STARD9: variants seen among roughly 807,000 people sequenced by gnomAD.
STARD9 encodes the protein stAR-related lipid transfer protein 9.
Under a neutral mutation model 399.8 loss-of-function variants are expected in STARD9, and 346 were observed. The observed-to-expected ratio is 0.87, with a 90% CI of 0.79 to 0.95. The LOEUF (loss-of-function observed/expected upper bound fraction) is 0.95, where lower values mean the gene tolerates loss of function less well. Among genes scored for constraint, STARD9 ranks in the 40% least tolerant of loss-of-function variants. STARD9 has a pLI of 0.00. For synonymous variants in STARD9, 2,203 were observed against 2,143.5 expected, an observed-to-expected ratio of 1.03 and a Z score of -0.77; for missense variants, 5,832 against 5,667.5, an observed-to-expected ratio of 1.03 and a Z score of -0.93.
intron 3 of STARD9, among the ~76,000 whole-genome samples, chr15:42,603,624 A>G (rs543746078): frequency 2.6e-5 from 4 of 152,202 alleles, no homozygotes; most frequent in South Asian, 2.1e-4. Context: ...AGTCTCCCCA[A>G]ATATGTGGAG....
intron 26 of STARD9, 57 bp downstream of exon 26, chr15:42,695,937 T>C: frequency 6.7e-7 from 1 of 1,500,114 alleles, no homozygotes; most frequent in Non-Finnish European, 8.9e-7. Context: ...GGCAAGAGTT[T>C]GAGCAGGACG....
chr15:42,694,193 CCT>C lies in STARD9; in HGVS notation c.12619_12620del (p.Ser4207ThrfsTer35), dbSNP rs1300706172. ...TCCCCCTGCAAGTTGGGGCCCAGAA[CCT>C]CTCACTCAGCGTGGAACTCACAGAA... ...QIPLQVGAQN[L>X]SLSVELTEAK... On this transcript the variant is annotated frameshift_variant, in exon 23 of 33. Coordinates refer to ENST00000290607, the MANE Select transcript of STARD9 (RefSeq NM_020759.3). LOFTEE classifies it high-confidence loss of function. 1 of 1,535,874 alleles carries C rather than the reference CCT, an allele frequency of 6.5e-7. No homozygotes were observed.
Position 42,691,593 on chromosome 15 carries a change from A to T in STARD9, c.10015A>T (p.Asn3339Tyr). 1 of 1,537,198 alleles carries T rather than the reference A, an allele frequency of 6.5e-7. No homozygotes were observed. Among genetic ancestry groups the T allele is most frequent in the Non-Finnish European group, 8.7e-7 (1 of 1,146,898 alleles). The change falls in exon 23 of 33, where the codon AAC (asparagine) becomes TAC (tyrosine). Residue 3339 changes from asparagine to tyrosine, a missense_variant. By Grantham distance (143) the Asn-to-Tyr change is moderately radical (BLOSUM62 -2). This residue lies in a region of STARD9 where 5,828 missense variants were observed against 5,651.1 expected (regional missense o/e 1.03). Coordinates refer to ENST00000290607, the MANE Select transcript of STARD9 (RefSeq NM_020759.3). Reference protein sequence around the residue: ...VGSSRSLQELNLSVEPPSPTD... With the variant: ...VGSSRSLQELYLSVEPPSPTD... ...CTCTTCTCGTTCTCTTCAGGAGCTGAACTTGAGTGTGGAGCCTCCTTCCCC... is the reference window on the plus strand; with the variant it reads ...CTCTTCTCGTTCTCTTCAGGAGCTGTACTTGAGTGTGGAGCCTCCTTCCCC...
In STARD9 at chr15:42,644,362, G is replaced by A. The variant is rs182258163; in HGVS notation, c.559+5550G>A. On this transcript the variant is annotated intron_variant, in intron 7 of 32. Coordinates refer to ENST00000290607, the MANE Select transcript of STARD9 (RefSeq NM_020759.3). The stretch of plus-strand genomic sequence containing the variant: ...CAAAAAATTAGCCGGGTGTGGTGGC[G>A]GGCACCTGTAGTCCCAGCTATTCGG... Among the ~76,000 whole-genome samples the A allele has an allele frequency of 6.9e-3, 1,047 of 152,018 alleles. 15 individuals are homozygous for A. Among genetic ancestry groups the A allele is most frequent in the East Asian group, 0.058 (299 of 5,170 alleles).
Position 42,698,174 on chromosome 15 carries a change from T to C in STARD9, c.13284+2294T>C, listed in dbSNP as rs560794370. Among the ~76,000 whole-genome samples the C allele has an allele frequency of 4.6e-5, 7 of 152,368 alleles. 1 individual carries two copies. In the South Asian group the frequency reaches 1.4e-3, roughly 32 times the overall value. On this transcript the variant is annotated intron_variant, in intron 26 of 32. Coordinates refer to ENST00000290607, the MANE Select transcript of STARD9 (RefSeq NM_020759.3). ...CTAACTTGGGTTGCTTTCAGACTTT[T>C]GCTGTTATCAGCAATACTACAGTGA...
intron 3 of STARD9, among the ~76,000 whole-genome samples, chr15:42,618,585 CTTTT>C (rs1304889832): frequency 1.3e-5 from 2 of 151,832 alleles, no homozygotes; most frequent in Non-Finnish European, 1.5e-5. Flanking sequence ...AAAAAGTTGT[CTTTT>C]TTTATTTTTA....
In STARD9 at chr15:42,638,786, A is replaced by G. The variant is rs1458991974; in HGVS notation, c.533A>G (p.His178Arg). The G allele has an allele frequency of 1.2e-5, 18 of 1,535,864 alleles. No homozygotes were observed. Among genetic ancestry groups the G allele is most frequent in the Non-Finnish European group, 1.5e-5 (17 of 1,146,048 alleles). Residue 178 changes from histidine (H) to arginine (R), a missense_variant, in exon 7 of 33, where the codon CAT becomes CGT. By Grantham distance (29) the His-to-Arg change is conservative. This residue lies in a region of STARD9 where 5,828 missense variants were observed against 5,651.1 expected (regional missense o/e 1.03). Transcript: ENST00000290607. ...TCCTATACCCTGCGGGTCAGGGAGC[A>G]TCCAGAGATGGGGCCCTATGTACAA... ...KKSYTLRVRE[H>R]PEMGPYVQGL... is the part of the protein sequence containing the mutation.
intron 18 of STARD9, 58 bp downstream of exon 18, chr15:42,675,022 C>T: frequency 6.9e-7 from 1 of 1,444,500 alleles, no homozygotes; most frequent in African/African-American, 1.4e-5. Context: ...GCTCCAGTTT[C>T]ATGGGCCCAA....
At position 42,720,691 on chromosome 15, in the gene STARD9, T is replaced by C. The variant is rs955087252; in HGVS notation, c.*1117T>C. 3 of 152,170 alleles carry C rather than the reference T, an allele frequency of 2.0e-5. No homozygotes were observed. The highest frequency in any genetic ancestry group is 2.9e-5 in the Non-Finnish European group (2 of 68,018). The allele number at this position is 152,170 out of a possible 1,614,324, so 9.4% of individuals were successfully genotyped here. A position where few individuals can be genotyped will look rare whatever the true frequency, so the allele number is the denominator to read the frequency against. ...TAGTTCTGGTGCCCAAAATCTTTGG[T>C]AGATGGAGGGAACTGGGGATTCAGA... is the stretch of plus-strand genomic sequence containing the variant. On this transcript the variant is annotated 3_prime_UTR_variant, in exon 33 of 33. Coordinates refer to ENST00000290607, the MANE Select transcript of STARD9 (RefSeq NM_020759.3).
intron 30 of STARD9, 48 bp downstream of exon 30, chr15:42,718,227 C>T: frequency 6.7e-7 from 1 of 1,496,140 alleles, no homozygotes; most frequent in Non-Finnish European, 9.0e-7. Context: ...TTCTGGTGTG[C>T]CCAGTGGGGT....
intron 8 of STARD9, 95 bp from the exon 9 acceptor site, chr15:42,652,425 C>G (rs2059780776): frequency 9.7e-7 from 1 of 1,025,886 alleles, no homozygotes; most frequent in Admixed American, 2.0e-5. Flanking sequence ...GTCGGTGAAC[C>G]TCAGCACTAA....
rs545810504 is a variant in STARD9 at position 42,604,597 on chromosome 15, G to GT, written c.234+18961dup. Among the ~76,000 whole-genome samples the GT allele has an allele frequency of 7.1e-4, 97 of 136,120 alleles. 1 individual carries two copies. Among genetic ancestry groups the GT allele is most frequent in the African/African-American group, 2.5e-3 (94 of 37,384 alleles). 89.3% of individuals were successfully genotyped at this position (136,120 alleles called of 152,430 possible). The stretch of plus-strand genomic sequence containing the variant: ...GTCAGGGGAGGAAATCTAGTTCATA[G>GT]TATGATTGCTTTATTCAGGATCAAA... On this transcript the variant is annotated intron_variant, in intron 3 of 32. Transcript: ENST00000290607.
At chr15:42,708,934 A>G (rs963905480) in intron 26 of STARD9, among the ~76,000 whole-genome samples, 1 of 152,130 alleles carries the variant, frequency 6.6e-6, no homozygotes, top group Non-Finnish European at 1.5e-5. Flanking sequence ...AATTTTAGAC[A>G]ACAAATAGTT....
rs1200591233 is a variant in STARD9, at chr15:42,585,530, C to T, written c.127C>T (p.Arg43Ter). 16 of 1,536,370 alleles carry T rather than the reference C, an allele frequency of 1.0e-5. No individual in the cohort carries two copies. Among genetic ancestry groups the T allele is most frequent in the Middle Eastern group, 1.7e-4 (1 of 6,006 alleles). The change falls in exon 3 of 33, where the codon CGA becomes TGA. Residue 43 changes from arginine to a stop codon, truncating the protein, a stop_gained. Transcript: ENST00000290607. LOFTEE classifies it high-confidence loss of function. ...CTATGTTTGATTTTAGGTGGACAAT[C>T]GACCAGATGGCTTTGGGGACTCCCG... ...AKIRNLKVDN[R>*]PDGFGDSREK...
At chr15:42,586,219 A>G (rs1392683657) in intron 3 of STARD9, among the ~76,000 whole-genome samples, 1 of 152,222 alleles carries the variant, frequency 6.6e-6, no homozygotes, top group Non-Finnish European at 1.5e-5. Context: ...AGAGGTTAGT[A>G]TCTTCTTTGA....
rs1357919103 is a variant in STARD9 at position 42,692,236 on chromosome 15, A to G, written c.10658A>G (p.Glu3553Gly). The change falls in exon 23 of 33, where the codon GAG becomes GGG. Residue 3553 changes from glutamate (E) to glycine (G), a missense_variant. Physicochemically the swap from Glu to Gly is moderately conservative, Grantham distance 98. Coordinates refer to ENST00000290607, the MANE Select transcript of STARD9 (RefSeq NM_020759.3). ...ACTGAGAATGCCCAGGGTTCAAATG[A>G]GGCCTGGGAAGTATTCCGAGGGAGT... Reference protein sequence around the residue: ...SSTENAQGSNEAWEVFRGSSS... With the variant: ...SSTENAQGSNGAWEVFRGSSS... 4.6e-6 allele frequency: 7 copies of G among 1,536,958 alleles called. No individual in the cohort carries two copies. In the South Asian group the frequency reaches 8.3e-5, roughly 18 times the overall value.
In STARD9 at chr15:42,693,776, A is replaced by G. The variant is rs1409942897; in HGVS notation, c.12198A>G (p.Pro4066=). 1 of 1,536,370 alleles carries G rather than the reference A, an allele frequency of 6.5e-7. No homozygotes were observed. The highest frequency in any genetic ancestry group is 8.7e-7 in the Non-Finnish European group (1 of 1,146,658). The part of the protein sequence containing the change: ...TENGGESSAS[P]GEPQRTLDRP... The stretch of plus-strand genomic sequence containing the variant: ...ATGGAGGTGAGAGTTCAGCATCTCC[A>G]GGGGAACCACAACGCACTCTGGACC... Residue 4066 remains proline (P), a synonymous_variant, in exon 23 of 33, where the codon CCA becomes CCG. Transcript: ENST00000290607.
At chr15:42,585,189 C>T (rs2058250585) in intron 2 of STARD9, among the ~76,000 whole-genome samples, 1 of 152,062 alleles carries the variant, frequency 6.6e-6, no homozygotes, top group African/African-American at 2.4e-5. Context: ...GTTCTGGTCC[C>T]AAGCATTTCA....
In STARD9 at chr15:42,661,196, C is replaced by T; in HGVS notation, c.741C>T (p.Ser247=). Residue 247 remains serine (S), a synonymous_variant, in exon 10 of 33, where the codon AGC becomes AGT. Coordinates refer to ENST00000290607, the MANE Select transcript of STARD9 (RefSeq NM_020759.3). Reference sequence around the variant, plus strand: ...ACAACCTCCCTTCTGAAATGGCTAGCAAGATCAACCTTGTGGACCTAGCAG... The same window carrying T: ...ACAACCTCCCTTCTGAAATGGCTAGTAAGATCAACCTTGTGGACCTAGCAG... ...LENNLPSEMA[S]KINLVDLAGS... 1 of 1,536,906 alleles carries T rather than the reference C, an allele frequency of 6.5e-7. No individual in the cohort carries two copies. Among genetic ancestry groups the T allele is most frequent in the South Asian group, 1.2e-5 (1 of 84,044 alleles).
Sources: gnomAD v4.1 joint callset for allele counts (sites outside exome capture counted in the v4.1 genomes callset) on GRCh38, gnomAD v4.1.1 for gene constraint, gnomAD v4.1.1 regional missense constraint, MANE v1.5 for transcripts, NCBI Gene and HGNC (gene_info 2026-07-23, HGNC 2026-07-21) for gene names.